MGLL: variants seen among roughly 807,000 people sequenced by gnomAD.
MGLL encodes monoglyceride lipase.
In MGLL, 7 loss-of-function variants were observed where a neutral mutation model predicts 29.1. The observed-to-expected ratio is 0.24, with a 90% CI of 0.14 to 0.45. The LOEUF is 0.45. Ranked by LOEUF, MGLL falls within the 20% of genes least tolerant of loss-of-function variation. MGLL has a pLI of 0.99. For synonymous variants in MGLL, 148 were observed against 168.3 expected (o/e 0.88, Z 0.93); for missense variants, 356 against 413.6 (o/e 0.86, Z 1.21).
intron 3 of MGLL, among the ~76,000 whole-genome samples, chr3:127,759,541 G>C (rs1053366419): frequency 1.3e-5 from 2 of 152,294 alleles, no homozygotes; most frequent in African/African-American, 4.8e-5. Flanking sequence ...TCTCAGCTGT[G>C]GGCATGTTCT....
At chr3:127,813,536 G>A (rs541140365) in intron 2 of MGLL, among the ~76,000 whole-genome samples, 2 of 152,330 alleles carry the variant, frequency 1.3e-5, no homozygotes, top group South Asian at 4.1e-4. Context: ...CTAACTTGTA[G>A]TTTAAATTGA....
At chr3:127,741,353 T>C (rs1322515125) in intron 3 of MGLL, among the ~76,000 whole-genome samples, 2 of 152,172 alleles carry the variant, frequency 1.3e-5, no homozygotes, top group Non-Finnish European at 2.9e-5. Flanking sequence ...CAGCACAGAC[T>C]GTGGGGTGGC....
chr3:127,780,310 A>T (rs948289016), intron 3 of MGLL, among the ~76,000 whole-genome samples: 1 of 152,244 alleles, frequency 6.6e-6, no homozygotes, highest in Non-Finnish European at 1.5e-5. Flanking sequence ...TGCATAGTAC[A>T]AATATCCTTT....
intron 3 of MGLL, chr3:127,735,790 T>C: frequency 6.3e-7 from 1 of 1,598,384 alleles, no homozygotes; most frequent in Non-Finnish European, 8.5e-7. Flanking sequence ...GAGAAAAATG[T>C]ATAAATTCTG....
intron 5 of MGLL, among the ~76,000 whole-genome samples, chr3:127,715,313 A>G (rs1026190293): frequency 2.6e-5 from 4 of 152,170 alleles, no homozygotes; most frequent in African/African-American, 9.7e-5. Context: ...ACCATAAGAG[A>G]TGTTTGCATA....
chr3:127,722,733 T>A (rs2075955135), intron 3 of MGLL, among the ~76,000 whole-genome samples, 167 bp from the exon 4 acceptor site: 1 of 152,162 alleles, frequency 6.6e-6, no homozygotes. Context: ...CTCCCCACTT[T>A]TTATGGATTA....
intron 2 of MGLL, among the ~76,000 whole-genome samples, chr3:127,807,848 G>A (rs1052699244): frequency 4.7e-5 from 6 of 126,504 alleles, no homozygotes; most frequent in African/African-American, 1.8e-4. Context: ...TGCAAGCTCC[G>A]CCTCCTGGGT....
chr3:127,729,796 G>A (rs1169167995), intron 3 of MGLL, among the ~76,000 whole-genome samples: 1 of 152,192 alleles, frequency 6.6e-6, no homozygotes, highest in African/African-American at 2.4e-5. Flanking sequence ...GCCTGCCCTT[G>A]ACACACATTA....
intron 3 of MGLL, among the ~76,000 whole-genome samples, chr3:127,765,193 C>T (rs1398775572): frequency 2.6e-5 from 4 of 152,166 alleles, no homozygotes; most frequent in Admixed American, 6.5e-5. Context: ...CACAGGATCA[C>T]GTGTAAGTAA....
At position 127,692,062 on chromosome 3, in the gene MGLL, G is replaced by A. The variant is rs1473430576; in HGVS notation, c.*136C>T. On this transcript the variant is annotated 3_prime_UTR_variant, in exon 8 of 8. Coordinates refer to ENST00000265052, the MANE Select transcript of MGLL (RefSeq NM_007283.7). ...TAACAAAAATGTCTGTTATTTTTTA[G>A]AAAATTGTGCTAAGGATTTCTCCAA... The A allele has an allele frequency of 1.6e-6, 2 of 1,241,832 alleles. No individual in the cohort carries two copies. Among genetic ancestry groups the A allele is most frequent in the Non-Finnish European group, 2.2e-6 (2 of 904,456 alleles). 76.9% of individuals were successfully genotyped at this position (1,241,832 alleles called of 1,614,324 possible).
chr3:127,764,744 T>C (rs141508721), intron 3 of MGLL, among the ~76,000 whole-genome samples: 2 of 152,332 alleles, frequency 1.3e-5, no homozygotes, highest in East Asian at 3.9e-4. Context: ...GAAGCCACAC[T>C]AGTTAGCATG....
chr3:127,692,715 C>T (rs565965058), intron 7 of MGLL, among the ~76,000 whole-genome samples: 4 of 152,352 alleles, frequency 2.6e-5, no homozygotes, highest in South Asian at 2.1e-4. Flanking sequence ...CGCCAACCCA[C>T]GGTGGCTAGC....
intron 2 of MGLL, among the ~76,000 whole-genome samples, chr3:127,810,334 C>A (rs1246942512): frequency 1.3e-5 from 2 of 152,196 alleles, no homozygotes; most frequent in African/African-American, 4.8e-5. Context: ...AACAGCCATT[C>A]CAATGCAGGC....
chr3:127,747,027 G>A (rs512726), intron 3 of MGLL, among the ~76,000 whole-genome samples: 52,973 of 152,040 alleles, frequency 0.35, 9,828 homozygotes, highest in Middle Eastern at 0.51. Context: ...GGTCACAAGT[G>A]GGTCATTCTG....
chr3:127,716,316 G>A (rs2075814605), intron 5 of MGLL, among the ~76,000 whole-genome samples: 1 of 152,222 alleles, frequency 6.6e-6, no homozygotes, highest in Non-Finnish European at 1.5e-5. Flanking sequence ...TAACTCCGAA[G>A]GGATGCTGGG....
chr3:127,744,916 G>C (rs57825345), intron 3 of MGLL, among the ~76,000 whole-genome samples: 1 of 152,082 alleles, frequency 6.6e-6, no homozygotes, highest in African/African-American at 2.4e-5. Context: ...TGCTGTCCAC[G>C]TCCTTAAGAT....
chr3:127,785,807 C>T (rs180972089), intron 2 of MGLL, among the ~76,000 whole-genome samples: 9 of 152,368 alleles, frequency 5.9e-5, no homozygotes, highest in Admixed American at 5.9e-4. Flanking sequence ...CCACACACAG[C>T]TTGCAGCCAC....
chr3:127,743,846 C>T (rs933807024), intron 3 of MGLL, among the ~76,000 whole-genome samples: 8 of 152,132 alleles, frequency 5.3e-5, no homozygotes, highest in Admixed American at 2.6e-4. Flanking sequence ...CAACAAAAGC[C>T]ATTTCCTTCT....
chr3:127,706,338 ACTC>A (rs151000187), intron 6 of MGLL, among the ~76,000 whole-genome samples: 1,978 of 151,996 alleles, frequency 0.013, 44 homozygotes, highest in African/African-American at 0.044. Flanking sequence ...GACACAGAGA[ACTC>A]CTCAGTGTGT....
Sources: gnomAD v4.1 joint callset for allele counts (sites outside exome capture counted in the v4.1 genomes callset) on GRCh38, gnomAD v4.1.1 for gene constraint, MANE v1.5 for transcripts, NCBI Gene and HGNC (gene_info 2026-07-23, HGNC 2026-07-21) for gene names.